The following NAV3 variants were observed in gnomAD, a reference collection of about 807,000 sequenced individuals.
The protein encoded by NAV3 is pore membrane and/or filament interacting like protein 1.
In NAV3, 87 loss-of-function variants were observed where a neutral mutation model predicts 244.7. The ratio of observed to expected loss-of-function variants is 0.36; its 90% CI spans 0.30 to 0.42. The LOEUF (loss-of-function observed/expected upper bound fraction) is 0.42, where lower values mean the gene tolerates loss of function less well. NAV3 is among the 20% of genes least tolerant of loss of function. The probability of loss-of-function intolerance (pLI) is 1.00; values close to 1 mark genes in which losing one functional copy is unlikely to be tolerated. For synonymous variants in NAV3, 1,126 were observed against 1,042.2 expected (o/e 1.08, Z -1.55); for missense variants, 2,663 against 2,893.3 (o/e 0.92, Z 1.83).
At chr12:77,816,060 G>C (rs1271886345) in intron 2 of NAV3, among the ~76,000 whole-genome samples, 1 of 152,106 alleles carries the variant, frequency 6.6e-6, no homozygotes, top group East Asian at 1.9e-4. Context: ...AAGGCAGGAA[G>C]AAGCCTGATG....
At chr12:77,659,065 G>T (rs554487273) in intron 2 of NAV3, among the ~76,000 whole-genome samples, 116 of 151,484 alleles carry the variant, frequency 7.7e-4, no homozygotes, top group Middle Eastern at 3.4e-3. Context: ...ACTTCATGTC[G>T]AAAACACCAA....
chr12:78,001,814 A>G (rs1173628287), intron 7 of NAV3, among the ~76,000 whole-genome samples: 1 of 152,236 alleles, frequency 6.6e-6, no homozygotes, highest in Non-Finnish European at 1.5e-5. Context: ...GCGGAAACAT[A>G]TTTCTCAGAA....
In NAV3 at chr12:78,212,148, T is replaced by C. The variant is rs762960644; in HGVS notation, c.*1631T>C. On this transcript the variant is annotated 3_prime_UTR_variant, in exon 40 of 40. Transcript: ENST00000397909. ...CAAAACTGTACATGAAGCCAATATA[T>C]TTTTGGATAAGTAAAACTGTCTGAA... is the stretch of plus-strand genomic sequence containing the variant. 3 of 152,598 alleles carry C rather than the reference T, an allele frequency of 2.0e-5. No individual in the cohort carries two copies. The highest frequency in any genetic ancestry group is 2.9e-5 in the Non-Finnish European group (2 of 68,052). 9.5% of individuals were successfully genotyped at this position (152,598 alleles called of 1,614,324 possible).
At chr12:77,805,201 A>G (rs2135982552) in intron 2 of NAV3, among the ~76,000 whole-genome samples, 1 of 152,232 alleles carries the variant, frequency 6.6e-6, no homozygotes, top group South Asian at 2.1e-4. Flanking sequence ...TTCCAATACT[A>G]TTTTGAATAG....
intron 9 of NAV3, among the ~76,000 whole-genome samples, chr12:78,045,716 G>A (rs1280630700): frequency 2.0e-5 from 3 of 152,154 alleles, no homozygotes; most frequent in East Asian, 1.9e-4. Flanking sequence ...TCTTTGCCAC[G>A]TTTTGGTATC....
At chr12:77,572,930 CT>C (rs1478412835) in intron 2 of NAV3, among the ~76,000 whole-genome samples, 1 of 152,142 alleles carries the variant, frequency 6.6e-6, no homozygotes, top group Non-Finnish European at 1.5e-5. Context: ...AAACTCTTAC[CT>C]GCTGAATTGC....
intron 11 of NAV3, among the ~76,000 whole-genome samples, chr12:78,051,382 C>T (rs1419844448): frequency 6.6e-6 from 1 of 152,128 alleles, no homozygotes; most frequent in Non-Finnish European, 1.5e-5. Context: ...TTGAGAGAAA[C>T]ACATGTGGCT....
chr12:78,177,385 T>A, intron 27 of NAV3, 72 bp downstream of exon 27: 1 of 1,490,092 alleles, frequency 6.7e-7, no homozygotes, highest in South Asian at 1.3e-5. Flanking sequence ...TTATTTATGT[T>A]CTAACCATAT....
intron 2 of NAV3, among the ~76,000 whole-genome samples, chr12:77,611,091 T>C (rs1870892410): frequency 6.6e-6 from 1 of 151,886 alleles, no homozygotes; most frequent in East Asian, 1.9e-4. Context: ...ATATATATTT[T>C]ATTCATTTGA....
intron 2 of NAV3, among the ~76,000 whole-genome samples, chr12:77,589,963 G>A (rs1020254707): frequency 6.6e-6 from 1 of 152,136 alleles, no homozygotes; most frequent in South Asian, 2.1e-4. Context: ...TTTCCCATAG[G>A]GTTTTTTGAG....
At chr12:77,923,523 G>A (rs571066605) in intron 1 of NAV3, among the ~76,000 whole-genome samples, 2 of 152,218 alleles carry the variant, frequency 1.3e-5, no homozygotes, top group African/African-American at 4.8e-5. Flanking sequence ...ACCTAAATCT[G>A]TATCATCTCT....
chr12:78,018,227 C>T (rs1018666225), intron 8 of NAV3, among the ~76,000 whole-genome samples: 22 of 152,090 alleles, frequency 1.4e-4, no homozygotes, highest in Non-Finnish European at 2.2e-4. Flanking sequence ...CAAAAATATG[C>T]ACTGCTACAT....
chr12:77,922,866 T>A (rs1887839986), intron 1 of NAV3, among the ~76,000 whole-genome samples: 1 of 152,118 alleles, frequency 6.6e-6, no homozygotes, highest in African/African-American at 2.4e-5. Flanking sequence ...TCCAGAACAT[T>A]TTTAATTATA....
chr12:77,656,820 A>C lies in NAV3; in HGVS notation c.72+84554A>C, dbSNP rs532127256. On this transcript the variant is annotated intron_variant, in intron 2 of 8. Coordinates refer to the NAV3 transcript ENST00000550042. ...TTAAGAAACTCACTCAAAACCGCTC[A>C]ACTACATGGAAACTGAACAACCTGC... Among the ~76,000 whole-genome samples, 30 of 152,058 alleles carry C rather than the reference A, an allele frequency of 2.0e-4. No individual in the cohort carries two copies. The East Asian group carries it at 4.4e-3, about 23-fold the overall frequency.
intron 5 of NAV3, among the ~76,000 whole-genome samples, chr12:77,986,047 GA>G (rs1349956746): frequency 6.6e-6 from 1 of 152,034 alleles, no homozygotes; most frequent in Non-Finnish European, 1.5e-5. Context: ...TTCTCACTTG[GA>G]AAAAAACTAG....
At chr12:78,176,935 T>C (rs980673452) in intron 26 of NAV3, among the ~76,000 whole-genome samples, 11 of 152,066 alleles carry the variant, frequency 7.2e-5, no homozygotes, top group African/African-American at 2.4e-4. Flanking sequence ...ATGTTTGCGC[T>C]GCGCTGGATT....
At chr12:78,079,117 A>G (rs1483057554) in intron 12 of NAV3, among the ~76,000 whole-genome samples, 1 of 152,200 alleles carries the variant, frequency 6.6e-6, no homozygotes, top group Non-Finnish European at 1.5e-5. Flanking sequence ...CCTTGGTGTT[A>G]GAAAGTGTCA....
chr12:77,636,938 C>A (rs1415426396), intron 2 of NAV3, among the ~76,000 whole-genome samples: 2 of 151,746 alleles, frequency 1.3e-5, no homozygotes, highest in East Asian at 3.9e-4. Flanking sequence ...GGAGTCAAAC[C>A]ATGAGAACAC....
intron 3 of NAV3, among the ~76,000 whole-genome samples, chr12:77,941,483 G>A (rs978724627): frequency 1.3e-5 from 2 of 152,060 alleles, no homozygotes. Flanking sequence ...CTTTGCCATG[G>A]GCATTTTAAA....
Sources: gnomAD v4.1 joint callset for allele counts (sites outside exome capture counted in the v4.1 genomes callset) on GRCh38, gnomAD v4.1.1 for gene constraint, MANE v1.5 for transcripts, NCBI Gene and HGNC (gene_info 2026-07-23, HGNC 2026-07-21) for gene names.